Variants in NINJ2 observed in about 807,000 individuals in gnomAD.
NINJ2 encodes the protein ninjurin 2, also known as ninjurin-2.
In NINJ2, 12 loss-of-function variants were observed where a neutral mutation model predicts 11.7. The ratio of observed to expected loss-of-function variants is 1.02; its 90% CI spans 0.66 to 1.66. The LOEUF is 1.66. NINJ2 is among the 40% of genes most tolerant of loss of function. The pLI, the probability that NINJ2 is intolerant of heterozygous loss-of-function variation, is 0.00. For missense variants in NINJ2, 187 were observed against 181.8 expected (o/e 1.03, Z -0.16); for synonymous variants, 93 against 76.8 (o/e 1.21, Z -1.10).
intron 1 of NINJ2, among the ~76,000 whole-genome samples, chr12:602,364 T>C (rs1321725602): frequency 6.6e-6 from 1 of 152,244 alleles, no homozygotes; most frequent in Non-Finnish European, 1.5e-5. Flanking sequence ...CGATTTTGGA[T>C]AGTTCCTGTC....
chr12:573,246 C>T (rs1227584764), intron 1 of NINJ2, among the ~76,000 whole-genome samples: 3 of 152,008 alleles, frequency 2.0e-5, no homozygotes, highest in Admixed American at 6.6e-5. Context: ...AGGCTCATCT[C>T]GAACTCATGA....
chr12:573,999 G>A (rs771045905), intron 1 of NINJ2, among the ~76,000 whole-genome samples: 28 of 152,086 alleles, frequency 1.8e-4, no homozygotes, highest in Non-Finnish European at 3.4e-4. Flanking sequence ...TTTGGGAGGC[G>A]GATCATGAGG....
At chr12:577,435 A>ATATATATATG (rs1947480775) in intron 1 of NINJ2, among the ~76,000 whole-genome samples, 1 of 140,394 alleles carries the variant, frequency 7.1e-6, no homozygotes, top group Non-Finnish European at 1.6e-5. Context: ...ATATACATAT[A>ATATATATATG]TATATATAAA....
At chr12:573,956 G>A (rs1840954) in intron 1 of NINJ2, among the ~76,000 whole-genome samples, 54,814 of 151,992 alleles carry the variant, frequency 0.36, 11,221 homozygotes, top group Non-Finnish European at 0.47. Context: ...AAATTTGGCC[G>A]GGCAAGGTGG....
At chr12:637,538 G>A (rs1309965166) in intron 1 of NINJ2, among the ~76,000 whole-genome samples, 1 of 151,342 alleles carries the variant, frequency 6.6e-6, no homozygotes, top group Admixed American at 6.6e-5. Context: ...CTACTCGGGA[G>A]GCTGAGGCAG....
intron 1 of NINJ2, among the ~76,000 whole-genome samples, chr12:592,430 G>T (rs1254373406): frequency 6.6e-6 from 1 of 152,236 alleles, no homozygotes; most frequent in African/African-American, 2.4e-5. Context: ...GCCAGGAGCG[G>T]TGGCTCACTC....
At chr12:588,829 C>G (rs1565626237) in intron 1 of NINJ2, among the ~76,000 whole-genome samples, 1 of 152,190 alleles carries the variant, frequency 6.6e-6, no homozygotes, top group Non-Finnish European at 1.5e-5. Flanking sequence ...ATATGATAGC[C>G]TACATGATTG....
At chr12:604,733 A>C (rs936060132) in intron 1 of NINJ2, among the ~76,000 whole-genome samples, 4 of 152,192 alleles carry the variant, frequency 2.6e-5, no homozygotes, top group African/African-American at 4.8e-5. Flanking sequence ...GGGTGTGGGG[A>C]CACAAGTGCA....
At chr12:579,447 T>C (rs1007402270) in intron 1 of NINJ2, among the ~76,000 whole-genome samples, 3 of 152,100 alleles carry the variant, frequency 2.0e-5, no homozygotes, top group Non-Finnish European at 4.4e-5. Context: ...AAATTCACCA[T>C]GATGAAGAGA....
intron 3 of NINJ2, 84 bp downstream of exon 3, chr12:565,132 TC>T: frequency 9.0e-7 from 1 of 1,114,534 alleles, no homozygotes; most frequent in Non-Finnish European, 1.2e-6. Context: ...TGGCAAGGGA[TC>T]TGTTTCTTGC....
chr12:583,636 C>T (rs1364171947), intron 1 of NINJ2, among the ~76,000 whole-genome samples: 1 of 152,254 alleles, frequency 6.6e-6, no homozygotes, highest in Non-Finnish European at 1.5e-5. Context: ...ACCAGGACAG[C>T]TTGGGGGTCT....
At chr12:594,410 A>G (rs1037841118) in intron 1 of NINJ2, among the ~76,000 whole-genome samples, 3 of 152,216 alleles carry the variant, frequency 2.0e-5, no homozygotes, top group Admixed American at 6.5e-5. Flanking sequence ...TTATGTATCA[A>G]TAAAAATGAA....
At chr12:629,027 T>C (rs1453644989) in intron 1 of NINJ2, among the ~76,000 whole-genome samples, 1 of 152,192 alleles carries the variant, frequency 6.6e-6, no homozygotes, top group Non-Finnish European at 1.5e-5. Context: ...CCCTCAGGGT[T>C]GCTTTGCCTA....
intron 1 of NINJ2, among the ~76,000 whole-genome samples, chr12:603,423 A>G (rs1947898291): frequency 6.6e-6 from 1 of 152,018 alleles, no homozygotes; most frequent in Non-Finnish European, 1.5e-5. Context: ...TTTAATATTC[A>G]TGAAGCCCAA....
At chr12:604,313 G>C (rs1176461528) in intron 1 of NINJ2, among the ~76,000 whole-genome samples, 1 of 152,182 alleles carries the variant, frequency 6.6e-6, no homozygotes, top group Admixed American at 6.5e-5. Flanking sequence ...AGAACGAGGA[G>C]TAGTAAATGA....
At chr12:606,668 C>G (rs539189940) in intron 1 of NINJ2, among the ~76,000 whole-genome samples, 1 of 152,308 alleles carries the variant, frequency 6.6e-6, no homozygotes, top group South Asian at 2.1e-4. Context: ...ACACTAGAAG[C>G]TACAATTCTA....
intron 1 of NINJ2, among the ~76,000 whole-genome samples, chr12:607,640 G>A (rs1334334844): frequency 2.0e-5 from 3 of 152,192 alleles, no homozygotes; most frequent in African/African-American, 7.2e-5. Context: ...AGTCAGATCC[G>A]GTATGATGCT....
intron 2 of NINJ2, chr12:565,697 G>A: frequency 1.6e-6 from 1 of 617,398 alleles, no homozygotes. Context: ...CAGTTAGCGA[G>A]GTGCTGGCGC....
At chr12:564,811 C>T (rs1947269709) in intron 3 of NINJ2, 130 bp from the exon 4 acceptor site, 1 of 156,090 alleles carries the variant, frequency 6.4e-6, no homozygotes, top group Non-Finnish European at 1.4e-5. Context: ...TCGAGCAGAG[C>T]CTGAGATTCT....
Sources: gnomAD v4.1 joint callset for allele counts (sites outside exome capture counted in the v4.1 genomes callset) on GRCh38, gnomAD v4.1.1 for gene constraint, MANE v1.5 for transcripts, NCBI Gene and HGNC (gene_info 2026-07-23, HGNC 2026-07-21) for gene names.